The following CLEC6A variants were observed in gnomAD, a reference collection of about 807,000 sequenced individuals.
CLEC6A encodes the protein C-type lectin domain containing 6A.
In CLEC6A, 22 loss-of-function variants were observed where a neutral mutation model predicts 25.7. The observed-to-expected ratio is 0.85, with a 90% CI of 0.61 to 1.22. The LOEUF (loss-of-function observed/expected upper bound fraction) is 1.22. CLEC6A is among the 50% of genes most tolerant of loss of function. CLEC6A has a pLI of 0.00. For missense variants in CLEC6A, 240 were observed against 236.8 expected (o/e 1.01, Z -0.09); for synonymous variants, 92 against 76.7 (o/e 1.20, Z -1.04).
intron 4 of CLEC6A, among the ~76,000 whole-genome samples, chr12:8,468,830 T>C (rs985101830): frequency 7.2e-5 from 11 of 152,100 alleles, no homozygotes; most frequent in African/African-American, 2.4e-4. Context: ...CAGCCAACAT[T>C]ATACTCAACA....
intron 4 of CLEC6A, among the ~76,000 whole-genome samples, chr12:8,470,180 A>T (rs759095481): frequency 6.6e-6 from 1 of 152,330 alleles, no homozygotes; most frequent in Non-Finnish European, 1.5e-5. Context: ...AACTTATGAA[A>T]AAATGCTCAA....
intron 4 of CLEC6A, among the ~76,000 whole-genome samples, chr12:8,475,627 C>T (rs913226156): frequency 1.3e-5 from 2 of 151,888 alleles, no homozygotes; most frequent in Non-Finnish European, 2.9e-5. Context: ...TGGATGAATT[C>T]CTCCTTCCTC....
chr12:8,472,074 C>CA (rs1195141710), intron 4 of CLEC6A, among the ~76,000 whole-genome samples: 17 of 151,890 alleles, frequency 1.1e-4, no homozygotes, highest in Admixed American at 4.6e-4. Flanking sequence ...ATTTAGGCAT[C>CA]AAAAAAACAC....
At chr12:8,465,679 T>C in intron 4 of CLEC6A, 50 bp downstream of exon 4, 2 of 1,516,638 alleles carry the variant, frequency 1.3e-6, no homozygotes, top group Non-Finnish European at 1.8e-6. Flanking sequence ...ACACACAATA[T>C]AAAATTTACT....
In CLEC6A at chr12:8,469,424, G is replaced by GA. The variant is rs140414120; in HGVS notation, c.369+3805dup. Among the ~76,000 whole-genome samples the GA allele has an allele frequency of 6.8e-3, 981 of 145,070 alleles. 8 individuals are homozygous for GA. Among genetic ancestry groups the GA allele is most frequent in the African/African-American group, 0.022 (892 of 39,662 alleles). Reference sequence around the variant, plus strand: ...ACCACCATCATTCCTCTCAGAACTAGAAAAAAAAAACCCTAAAATTCATAT... The same window carrying GA: ...ACCACCATCATTCCTCTCAGAACTAGAAAAAAAAAAACCCTAAAATTCATAT... On this transcript the variant is annotated intron_variant, in intron 4 of 5. Coordinates refer to ENST00000382073, the MANE Select transcript of CLEC6A (RefSeq NM_001007033.2).
At chr12:8,463,296 T>C (rs759569298) in intron 3 of CLEC6A, among the ~76,000 whole-genome samples, 7 of 148,810 alleles carry the variant, frequency 4.7e-5, no homozygotes, top group East Asian at 2.0e-4. Flanking sequence ...AAAGTTATTA[T>C]AGATTTTGAT....
At position 8,476,225 on chromosome 12, in the gene CLEC6A, A is replaced by T. The variant is rs1253852481; in HGVS notation, c.470A>T (p.Tyr157Phe). The stretch of plus-strand genomic sequence containing the variant: ...TGGCAATGGATTGATAAGACACCTT[A>T]TGAGAAAAATGTCAGGTGAGTGCAG... The part of the protein sequence containing the change: ...NNWQWIDKTP[Y>F]EKNVRFWHLG... The change falls in exon 5 of 6, where the codon TAT (tyrosine) becomes TTT (phenylalanine). Residue 157 changes from tyrosine (Y) to phenylalanine (F), a missense_variant. Coordinates refer to ENST00000382073, the MANE Select transcript of CLEC6A (RefSeq NM_001007033.2). The T allele has an allele frequency of 5.0e-6, 8 of 1,598,174 alleles. No homozygotes were observed. The highest frequency in any genetic ancestry group is 6.8e-6 in the Non-Finnish European group (8 of 1,171,938).
rs1234681788 is a variant in CLEC6A, at chr12:8,477,830, T to A, written c.*366T>A. On this transcript the variant is annotated 3_prime_UTR_variant, in exon 6 of 6. Coordinates refer to ENST00000382073, the MANE Select transcript of CLEC6A (RefSeq NM_001007033.2). ...GAAAATTATGACTTTCCTTCCTCAATATACCATAAAGAAATCTTTTTGGTC... is the reference window on the plus strand; with the variant it reads ...GAAAATTATGACTTTCCTTCCTCAAAATACCATAAAGAAATCTTTTTGGTC... 6.4e-6 allele frequency: 1 copy of A among 155,460 alleles called. No homozygotes were observed. Among genetic ancestry groups the A allele is most frequent in the African/African-American group, 2.4e-5 (1 of 41,504 alleles). 9.6% of individuals were successfully genotyped at this position (155,460 alleles called of 1,614,324 possible).
At chr12:8,463,437 T>C (rs1047227474) in intron 3 of CLEC6A, among the ~76,000 whole-genome samples, 1 of 152,208 alleles carries the variant, frequency 6.6e-6, no homozygotes, top group Admixed American at 6.5e-5. Flanking sequence ...TCTCCTATTT[T>C]CCAATTTAAT....
At chr12:8,472,396 G>C (rs1310438328) in intron 4 of CLEC6A, among the ~76,000 whole-genome samples, 1 of 152,152 alleles carries the variant, frequency 6.6e-6, no homozygotes, top group Non-Finnish European at 1.5e-5. Flanking sequence ...AGGTGTGACA[G>C]AAACCAGTCC....
chr12:8,460,083 T>C (rs1939732881), intron 3 of CLEC6A, among the ~76,000 whole-genome samples: 2 of 152,234 alleles, frequency 1.3e-5, no homozygotes, highest in Admixed American at 1.3e-4. Context: ...ACTAGCTTTA[T>C]TCCTGGTCAA....
intron 5 of CLEC6A, 49 bp from the exon 6 acceptor site, chr12:8,477,271 T>A: frequency 6.7e-7 from 1 of 1,499,944 alleles, no homozygotes; most frequent in Non-Finnish European, 9.1e-7. Flanking sequence ...TTCTAATCAT[T>A]CACCATGCAT....
intron 3 of CLEC6A, among the ~76,000 whole-genome samples, chr12:8,462,355 G>T (rs7302947): frequency 1.6e-5 from 2 of 128,440 alleles, no homozygotes; most frequent in African/African-American, 5.7e-5. Flanking sequence ...ACCCGTAAAG[G>T]GTCTGTGCTG....
intron 4 of CLEC6A, 61 bp from the exon 5 acceptor site, chr12:8,476,064 C>G: frequency 1.8e-5 from 20 of 1,105,392 alleles, no homozygotes; most frequent in East Asian, 9.7e-5. Flanking sequence ...TATAAGCAAC[C>G]TTTACTCTGT....
At chr12:8,472,217 G>A (rs1939914083) in intron 4 of CLEC6A, among the ~76,000 whole-genome samples, 1 of 152,074 alleles carries the variant, frequency 6.6e-6, no homozygotes, top group South Asian at 2.1e-4. Context: ...TCCAGATAAA[G>A]TAATTTACAC....
At chr12:8,475,092 C>T (rs1939955045) in intron 4 of CLEC6A, among the ~76,000 whole-genome samples, 1 of 151,972 alleles carries the variant, frequency 6.6e-6, no homozygotes, top group South Asian at 2.1e-4. Context: ...TCTAAGTGTT[C>T]TCATTGTTCA....
At chr12:8,458,098 G>A in intron 2 of CLEC6A, 111 bp downstream of exon 2, 1 of 656,758 alleles carries the variant, frequency 1.5e-6, no homozygotes, top group Non-Finnish European at 2.6e-6. Context: ...GCTCTTACTT[G>A]GAATGCCACA....
chr12:8,460,566 T>C (rs1287888837), intron 3 of CLEC6A: 5 of 901,628 alleles, frequency 5.5e-6, no homozygotes, highest in Non-Finnish European at 8.8e-6. Context: ...GTCAGCTTCA[T>C]GGAAAAGGGG....
At chr12:8,467,902 T>A (rs1939855602) in intron 4 of CLEC6A, among the ~76,000 whole-genome samples, 1 of 152,148 alleles carries the variant, frequency 6.6e-6, no homozygotes, top group Non-Finnish European at 1.5e-5. Flanking sequence ...TTAAGATTAT[T>A]TCTAAGTATT....
Sources: gnomAD v4.1 joint callset for allele counts (sites outside exome capture counted in the v4.1 genomes callset) on GRCh38, gnomAD v4.1.1 for gene constraint, MANE v1.5 for transcripts, NCBI Gene and HGNC (gene_info 2026-07-23, HGNC 2026-07-21) for gene names.